Variants in GALNT11 observed in about 807,000 individuals in gnomAD.
GALNT11 encodes polypeptide N-acetylgalactosaminyltransferase 11, also known as UDP-GalNAc:polypeptide N-acetylgalactosaminyltransferase 11.
A neutral mutation model predicts 72.7 loss-of-function variants in GALNT11; 47 were observed. The observed-to-expected ratio is 0.65, with a 90% CI of 0.51 to 0.82. The LOEUF (loss-of-function observed/expected upper bound fraction) is 0.82, where lower values mean the gene tolerates loss of function less well. Among genes scored for constraint, GALNT11 ranks in the 40% least tolerant of loss-of-function variants. GALNT11 has a pLI of 0.00. For synonymous variants in GALNT11, 270 were observed against 286.6 expected (o/e 0.94, Z 0.58); for missense variants, 677 against 778.4 (o/e 0.87, Z 1.55).
chr7:152,103,095 C>A lies in GALNT11; in HGVS notation c.420-17C>A. On this transcript the variant is annotated splice_polypyrimidine_tract_variant and intron_variant, in intron 3 of 11. Transcript: ENST00000430044. ...GCCTTTTAAAATGTCAGAATTTCCT[C>A]ATCTTTATCTTTACAGATGTAAAGA... The A allele has an allele frequency of 6.3e-7, 1 of 1,584,114 alleles. No homozygotes were observed. Among genetic ancestry groups the A allele is most frequent in the Non-Finnish European group, 8.6e-7 (1 of 1,156,936 alleles).
intron 1 of GALNT11, among the ~76,000 whole-genome samples, chr7:152,067,765 A>G (rs1013057184): frequency 1.3e-5 from 2 of 152,166 alleles, no homozygotes; most frequent in African/African-American, 4.8e-5. Context: ...GCATTACTAT[A>G]AAGAAATACC....
At position 152,083,888 on chromosome 7, in the gene GALNT11, TTTCCTCATAA is replaced by T. The variant is rs553106292; in HGVS notation, c.-38-10301_-38-10292del. ...GGGACCTTTTGGAGCTTCTTATTGT[TTTCCTCATAA>T]ATGTTTTAGACGTTTATTGTTAAAT... On this transcript the variant is annotated intron_variant, in intron 1 of 11. Transcript: ENST00000430044. Among the ~76,000 whole-genome samples, 63 of 152,360 alleles carry T rather than the reference TTTCCTCATAA, an allele frequency of 4.1e-4. 2 individuals are homozygous for T. In the South Asian group the frequency reaches 0.013, roughly 31 times the overall value.
chr7:152,030,138 G>A (rs886307148), intron 1 of GALNT11, among the ~76,000 whole-genome samples: 33 of 152,196 alleles, frequency 2.2e-4, no homozygotes, highest in Admixed American at 3.9e-4. Flanking sequence ...AGAGATAAAA[G>A]AAAAGACAAG....
chr7:152,035,356 C>T (rs945366552), intron 1 of GALNT11, among the ~76,000 whole-genome samples: 5 of 152,118 alleles, frequency 3.3e-5, no homozygotes, highest in African/African-American at 9.7e-5. Context: ...TTTCCAGAAG[C>T]GGGACTAGCC....
At chr7:152,036,299 TTTAA>T (rs1470803991) in intron 1 of GALNT11, among the ~76,000 whole-genome samples, 1 of 152,210 alleles carries the variant, frequency 6.6e-6, no homozygotes, top group African/African-American at 2.4e-5. Flanking sequence ...GTTCAATTGT[TTTAA>T]TTTTTAGCTT....
At position 152,066,757 on chromosome 7, in the gene GALNT11, T is replaced by C. The variant is rs1001532854; in HGVS notation, c.-38-27433T>C. Among the ~76,000 whole-genome samples, 2 of 152,190 alleles carry C rather than the reference T, an allele frequency of 1.3e-5. 1 individual carries two copies. The highest frequency in any genetic ancestry group is 1.3e-4 in the Admixed American group (2 of 15,284). On this transcript the variant is annotated intron_variant, in intron 1 of 11. Transcript: ENST00000430044. ...AAAGACAAAGGAATGGCTGGTTTGG[T>C]TGAGCAGTGAGAACACACACATTTA... is the stretch of plus-strand genomic sequence containing the variant.
At position 152,094,418 on chromosome 7, in the gene GALNT11, G is replaced by A. The variant is rs754563151; in HGVS notation, c.191G>A (p.Ser64Asn). 6 of 1,614,154 alleles carry A rather than the reference G, an allele frequency of 3.7e-6. No individual in the cohort carries two copies. In the East Asian group the frequency reaches 1.1e-4, roughly 30 times the overall value. Residue 64 changes from serine (S) to asparagine (N), a missense_variant, in exon 2 of 12, where the codon AGT (serine) becomes AAT (asparagine). Transcript: ENST00000430044. The surrounding 1 kb of genome is among the most constrained non-coding windows in gnomAD (Gnocchi z 4.3). Reference sequence around the variant, plus strand: ...TATCCCCGTTTCACTCGAGGCCCAAGTCGAGTGCTCGAGCCACAGTTCAAA... The same window carrying A: ...TATCCCCGTTTCACTCGAGGCCCAAATCGAGTGCTCGAGCCACAGTTCAAA... ...KFYPRFTRGP[S>N]RVLEPQFKAN...
chr7:152,063,024 A>C (rs28789410), intron 1 of GALNT11, among the ~76,000 whole-genome samples: 7,656 of 152,260 alleles, frequency 0.05, 605 homozygotes, highest in African/African-American at 0.17. Flanking sequence ...TGATAGGAAT[A>C]GTTTCAGAAG....
At chr7:152,068,686 C>G (rs1380694006) in intron 1 of GALNT11, among the ~76,000 whole-genome samples, 1 of 152,102 alleles carries the variant, frequency 6.6e-6, no homozygotes, top group African/African-American at 2.4e-5. Flanking sequence ...ACAATCTAAT[C>G]AGTTTTACCT....
At chr7:152,116,097 T>A (rs1008503460) in intron 8 of GALNT11, among the ~76,000 whole-genome samples, 1 of 152,186 alleles carries the variant, frequency 6.6e-6, no homozygotes, top group African/African-American at 2.4e-5. Flanking sequence ...TTATATATAA[T>A]TTTTTGATAT....
intron 1 of GALNT11, among the ~76,000 whole-genome samples, chr7:152,052,628 G>A (rs986526533): frequency 2.0e-5 from 3 of 152,100 alleles, no homozygotes; most frequent in Non-Finnish European, 1.5e-5. Context: ...CATTGCTGTC[G>A]ATAGACCCTC....
In GALNT11 at chr7:152,032,448, G is replaced by C. The variant is rs538222857; in HGVS notation, c.-39+6564G>C. On this transcript the variant is annotated intron_variant, in intron 1 of 11. Transcript: ENST00000430044. ...TAGGGGTTGGGTACAACTGGATATA[G>C]AGGAATTACTGCCTCACTGATGAGT... 7.3e-5 allele frequency among the ~76,000 whole-genome samples: 11 copies of C among 150,936 alleles called. 1 individual carries two copies. The South Asian group carries it at 2.3e-3, about 32-fold the overall frequency.
At chr7:152,037,167 C>T (rs115691612) in intron 1 of GALNT11, among the ~76,000 whole-genome samples, 1,783 of 152,198 alleles carry the variant, frequency 0.012, 35 homozygotes, top group African/African-American at 0.041. Flanking sequence ...GAGATTTTCT[C>T]CAGTGTTTTC....
intron 1 of GALNT11, among the ~76,000 whole-genome samples, chr7:152,067,241 A>T (rs2084363563): frequency 6.6e-6 from 1 of 152,182 alleles, no homozygotes; most frequent in African/African-American, 2.4e-5. Context: ...AATCTCAATT[A>T]CCTGGCTGAG....
chr7:152,120,964 T>C lies in GALNT11; in HGVS notation c.1691T>C (p.Phe564Ser), dbSNP rs1434170248. The C allele has an allele frequency of 1.2e-6, 2 of 1,613,588 alleles. No homozygotes were observed. Among genetic ancestry groups the C allele is most frequent in the Non-Finnish European group, 1.7e-6 (2 of 1,179,906 alleles). ...HGSGGSQQWT[F>S]GKNNRLYQVS... ...TCAGGAGGATCCCAGCAGTGGACCT[T>C]TGGGGTGAGGAGTGCTCGGTGATGT... is the stretch of plus-strand genomic sequence containing the variant. Residue 564 changes from phenylalanine (F) to serine (S), a missense_variant, in exon 11 of 12, where the codon TTT becomes TCT. By Grantham distance (155) the Phe-to-Ser change is radical. Coordinates refer to ENST00000430044, the MANE Select transcript of GALNT11 (RefSeq NM_022087.4).
intron 6 of GALNT11, among the ~76,000 whole-genome samples, chr7:152,109,963 T>C (rs1244005039): frequency 6.6e-6 from 1 of 152,180 alleles, no homozygotes; most frequent in Non-Finnish European, 1.5e-5. Context: ...TAATTCTTTG[T>C]TGTAGGGGCC....
rs1001996923 is a variant in GALNT11, at chr7:152,061,072, T to A, written c.-38-33118T>A. 5.9e-4 allele frequency among the ~76,000 whole-genome samples: 90 copies of A among 152,326 alleles called. 1 individual carries two copies. Among genetic ancestry groups the A allele is most frequent in the African/African-American group, 1.9e-3 (81 of 41,562 alleles). ...ACACTGTCTTCCACAATGGTTGAAC[T>A]AGTTTACAGTCCCACCAACAGTGTA... On this transcript the variant is annotated intron_variant, in intron 1 of 11. Transcript: ENST00000430044.
intron 1 of GALNT11, among the ~76,000 whole-genome samples, chr7:152,056,089 A>G (rs966290289): frequency 5.3e-5 from 8 of 152,172 alleles, no homozygotes; most frequent in South Asian, 2.1e-4. Context: ...GGAATCATAC[A>G]GTAAGTAAGC....
intron 2 of GALNT11, among the ~76,000 whole-genome samples, chr7:152,100,245 T>C (rs773124761): frequency 6.4e-4 from 97 of 152,182 alleles, no homozygotes; most frequent in Middle Eastern, 6.8e-3. Context: ...GGTAAATTTT[T>C]CTTTTGAATA....
Sources: gnomAD v4.1 joint callset for allele counts (sites outside exome capture counted in the v4.1 genomes callset) on GRCh38, gnomAD v4.1.1 for gene constraint, Gnocchi (gnomAD v3.1) non-coding constraint, MANE v1.5 for transcripts, NCBI Gene and HGNC (gene_info 2026-07-23, HGNC 2026-07-21) for gene names.